FARP2: variants seen among roughly 807,000 people sequenced by gnomAD.
FARP2 encodes the protein FERM, ARH/RhoGEF and pleckstrin domain protein 2.
A neutral mutation model predicts 130.5 loss-of-function variants in FARP2; 111 were observed. That is an observed-to-expected ratio of 0.85 (90% confidence interval 0.73 to 1.00). The LOEUF (loss-of-function observed/expected upper bound fraction) is 1.00, where lower values mean the gene tolerates loss of function less well. Among genes scored for constraint, FARP2 ranks in the 50% least tolerant of loss-of-function variants. FARP2 has a pLI of 0.00. For synonymous variants in FARP2, 504 were observed against 516.9 expected (o/e 0.98, Z 0.34); for missense variants, 1,385 against 1,346.3 (o/e 1.03, Z -0.45).
At chr2:241,415,989 CTGTGTGTGTGTGTGTGTGTGTGTGTG>C (rs57774022) in intron 7 of FARP2, among the ~76,000 whole-genome samples, 3 of 141,792 alleles carry the variant, frequency 2.1e-5, no homozygotes, top group East Asian at 4.2e-4. Flanking sequence ...CAGGGTAGTT[CTGTGTGTGTGTGTGTGTGTGTGTGTG>C]TGTGTGTGTG....
chr2:241,435,140 C>G, intron 11 of FARP2, 110 bp downstream of exon 11: 1 of 610,350 alleles, frequency 1.6e-6, no homozygotes, highest in African/African-American at 1.9e-5. Flanking sequence ...GTCACCTAAG[C>G]TGGAATACAG....
At chr2:241,385,732 A>G (rs902759070) in intron 2 of FARP2, among the ~76,000 whole-genome samples, 5 of 151,858 alleles carry the variant, frequency 3.3e-5, no homozygotes, top group Non-Finnish European at 5.9e-5. Flanking sequence ...AAAAAAAGAG[A>G]AAAAAAAATT....
At chr2:241,476,645 C>T (rs778369510) in intron 19 of FARP2, among the ~76,000 whole-genome samples, 48 of 152,114 alleles carry the variant, frequency 3.2e-4, no homozygotes, top group Non-Finnish European at 5.4e-4. Flanking sequence ...ACCAAGATCA[C>T]GCCATTGCAC....
intron 7 of FARP2, among the ~76,000 whole-genome samples, chr2:241,415,478 T>C (rs1346539664): frequency 6.6e-6 from 1 of 152,194 alleles, no homozygotes; most frequent in Non-Finnish European, 1.5e-5. Context: ...GGCATTGTGC[T>C]GCGAACTGTC....
intron 12 of FARP2, among the ~76,000 whole-genome samples, chr2:241,438,919 G>C (rs1052581139): frequency 6.6e-6 from 1 of 151,386 alleles, no homozygotes; most frequent in South Asian, 2.1e-4. Context: ...GTGAGCCACC[G>C]CGCCCGGCCA....
Position 241,402,856 on chromosome 2 carries a change from A to C in FARP2, c.184-972A>C, listed in dbSNP as rs866909506. On this transcript the variant is annotated intron_variant, in intron 2 of 26. Transcript: ENST00000264042. ...CTAATTTATATATATATATATATAT[A>C]TATATATATATATATATATATATAT... Among the ~76,000 whole-genome samples, 3 of 7,578 alleles carry C rather than the reference A, an allele frequency of 4.0e-4. No individual in the cohort carries two copies. The Admixed American group carries it at 5.2e-3, about 13-fold the overall frequency. 5.0% of individuals were successfully genotyped at this position (7,578 alleles called of 152,430 possible).
chr2:241,396,474 A>G (rs2062031453), intron 2 of FARP2, among the ~76,000 whole-genome samples: 1 of 152,316 alleles, frequency 6.6e-6, no homozygotes, highest in African/African-American at 2.4e-5. Context: ...CAATGAACTC[A>G]AACAAATTTA....
At chr2:241,374,355 A>G (rs1383205122) in intron 2 of FARP2, among the ~76,000 whole-genome samples, 1 of 152,198 alleles carries the variant, frequency 6.6e-6, no homozygotes, top group Non-Finnish European at 1.5e-5. Context: ...TAATACACAA[A>G]TACATTCTCT....
At chr2:241,434,034 C>A in intron 9 of FARP2, 124 bp from the exon 10 acceptor site, 2 of 757,382 alleles carry the variant, frequency 2.6e-6, no homozygotes, top group Admixed American at 2.7e-5. Flanking sequence ...GATCCTGTCT[C>A]AAAAAAAAAC....
intron 1 of FARP2, among the ~76,000 whole-genome samples, chr2:241,359,228 G>A (rs1025128377): frequency 6.6e-6 from 1 of 152,122 alleles, no homozygotes; most frequent in African/African-American, 2.4e-5. Context: ...GTCATGAATT[G>A]TTTTCCCCTA....
intron 12 of FARP2, among the ~76,000 whole-genome samples, chr2:241,436,791 C>T (rs924613419): frequency 5.9e-5 from 9 of 152,124 alleles, no homozygotes; most frequent in Non-Finnish European, 1.3e-4. Context: ...TCGAGACCAG[C>T]CTGGGCAACA....
intron 2 of FARP2, among the ~76,000 whole-genome samples, chr2:241,392,899 C>A (rs1368381358): frequency 6.7e-6 from 1 of 150,152 alleles, no homozygotes; most frequent in Admixed American, 6.6e-5. Flanking sequence ...GCCGAGATGG[C>A]ACCACTACAC....
chr2:241,468,122 A>T lies in FARP2; in HGVS notation c.1894-18A>T. The T allele has an allele frequency of 6.5e-7, 1 of 1,540,824 alleles. No individual in the cohort carries two copies. Among genetic ancestry groups the T allele is most frequent in the Non-Finnish European group, 9.0e-7 (1 of 1,113,452 alleles). The stretch of plus-strand genomic sequence containing the variant: ...CTACATCTCCTCACCTAAAGGCCCC[A>T]CTCTTGCGCCTCCACAGGAGTTTAC... On this transcript the variant is annotated intron_variant, in intron 17 of 26. Coordinates refer to ENST00000264042, the MANE Select transcript of FARP2 (RefSeq NM_014808.4).
At chr2:241,370,260 T>C (rs988878594) in intron 1 of FARP2, among the ~76,000 whole-genome samples, 1 of 152,208 alleles carries the variant, frequency 6.6e-6, no homozygotes, top group Non-Finnish European at 1.5e-5. Flanking sequence ...CCATTACACA[T>C]TGTTTGCTTG....
chr2:241,389,882 T>C (rs1414851800), intron 2 of FARP2, among the ~76,000 whole-genome samples: 1 of 152,228 alleles, frequency 6.6e-6, no homozygotes, highest in Non-Finnish European at 1.5e-5. Flanking sequence ...GATTGGCTGG[T>C]CATAGACTCA....
intron 13 of FARP2, chr2:241,446,806 G>A (rs547536926): frequency 6.6e-6 from 1 of 152,342 alleles, no homozygotes; most frequent in African/African-American, 2.4e-5. Flanking sequence ...GGAGCCATGT[G>A]TATGGAAGAT....
intron 17 of FARP2, chr2:241,466,696 C>CCG: frequency 1.5e-6 from 1 of 676,894 alleles, no homozygotes; most frequent in Non-Finnish European, 1.8e-6. Context: ...ACCACCCCCC[C>CCG]CCCCACCACC....
chr2:241,382,291 T>A (rs77960138), intron 2 of FARP2, among the ~76,000 whole-genome samples: 48 of 135,456 alleles, frequency 3.5e-4, no homozygotes, highest in African/African-American at 1.2e-3. Context: ...GTACAAAATC[T>A]ATTTTTTTTT....
rs547856902 is a variant in FARP2 at position 241,484,981 on chromosome 2, G to C, written c.2421+650G>C. Among the ~76,000 whole-genome samples the C allele has an allele frequency of 2.6e-5, 4 of 152,248 alleles. No homozygotes were observed. In the South Asian group the frequency reaches 8.3e-4, roughly 32 times the overall value. ...TCCAGGACACCACGTCACAGTGACT[G>C]TCTCTCCCCATGGGCCTGCCAGGGC... is the stretch of plus-strand genomic sequence containing the variant. On this transcript the variant is annotated intron_variant, in intron 21 of 26. Transcript: ENST00000264042.
Sources: gnomAD v4.1 joint callset for allele counts (sites outside exome capture counted in the v4.1 genomes callset) on GRCh38, gnomAD v4.1.1 for gene constraint, MANE v1.5 for transcripts, NCBI Gene and HGNC (gene_info 2026-07-23, HGNC 2026-07-21) for gene names.